TSPAN18: variants seen among roughly 807,000 people sequenced by gnomAD.
TSPAN18 encodes tetraspanin 18.
In TSPAN18, 14 loss-of-function variants were observed where a neutral mutation model predicts 27.3. The ratio of observed to expected loss-of-function variants is 0.51; its 90% CI spans 0.34 to 0.80. The LOEUF (loss-of-function observed/expected upper bound fraction) is 0.80. TSPAN18 is among the 30% of genes least tolerant of loss of function. The pLI is 0.01. For missense variants in TSPAN18, 268 were observed against 323.9 expected (o/e 0.83, Z 1.32); for synonymous variants, 143 against 136.5 (o/e 1.05, Z -0.33).
At chr11:44,759,107 C>T (rs1324347513) in intron 1 of TSPAN18, among the ~76,000 whole-genome samples, 1 of 152,220 alleles carries the variant, frequency 6.6e-6, no homozygotes, top group African/African-American at 2.4e-5. Context: ...GGCAGTTTGC[C>T]TATCCCATGC....
chr11:44,812,643 CCTATTGCCCATCCA>C (rs1360452295), intron 2 of TSPAN18, among the ~76,000 whole-genome samples: 1 of 152,166 alleles, frequency 6.6e-6, no homozygotes, highest in African/African-American at 2.4e-5. Flanking sequence ...GGCTAACATT[CCTATTGCCCATCCA>C]CTGACCCCAC....
At chr11:44,855,345 C>T (rs943416238) in intron 2 of TSPAN18, among the ~76,000 whole-genome samples, 1 of 152,178 alleles carries the variant, frequency 6.6e-6, no homozygotes, top group Non-Finnish European at 1.5e-5. Context: ...CTAGCACAGC[C>T]AACTCTAGCC....
intron 2 of TSPAN18, among the ~76,000 whole-genome samples, chr11:44,801,314 C>T (rs889726257): frequency 2.6e-5 from 4 of 152,198 alleles, no homozygotes; most frequent in African/African-American, 9.7e-5. Flanking sequence ...TTGCCATTCT[C>T]TACAGCCCCT....
chr11:44,858,337 T>C (rs1419963602), intron 2 of TSPAN18, among the ~76,000 whole-genome samples: 2 of 152,162 alleles, frequency 1.3e-5, no homozygotes, highest in Admixed American at 6.5e-5. Flanking sequence ...AGCCTTCACA[T>C]GCTCACGGGT....
At chr11:44,898,150 T>C (rs538242547) in intron 3 of TSPAN18, among the ~76,000 whole-genome samples, 1 of 152,318 alleles carries the variant, frequency 6.6e-6, no homozygotes, top group Non-Finnish European at 1.5e-5. Flanking sequence ...GAAACATGCA[T>C]TCTAATAAAG....
At chr11:44,927,504 C>T (rs1489589565) in intron 9 of TSPAN18, among the ~76,000 whole-genome samples, 1 of 152,200 alleles carries the variant, frequency 6.6e-6, no homozygotes, top group Non-Finnish European at 1.5e-5. Flanking sequence ...GCACCTGGCA[C>T]CATGAACTTC....
chr11:44,730,717 G>A (rs1402355529), intron 1 of TSPAN18, among the ~76,000 whole-genome samples: 1 of 151,340 alleles, frequency 6.6e-6, no homozygotes, highest in African/African-American at 2.4e-5. Flanking sequence ...TCTGCCTCCC[G>A]AGTTCAAGCG....
intron 3 of TSPAN18, among the ~76,000 whole-genome samples, chr11:44,899,384 A>T (rs1590653610): frequency 6.6e-6 from 1 of 152,236 alleles, no homozygotes; most frequent in Non-Finnish European, 1.5e-5. Flanking sequence ...TGAGAGGTTG[A>T]TGTCTGAGAT....
In TSPAN18 at chr11:44,893,797, C is replaced by G. The variant is rs11038187; in HGVS notation, c.-10-12610C>G. On this transcript the variant is annotated intron_variant, in intron 3 of 9. Transcript: ENST00000520358. ...TTAAGTGAACGCCCATAATACATTGCCTTGCGTTAATATCAGGCCTTAGTA... is the reference window on the plus strand; with the variant it reads ...TTAAGTGAACGCCCATAATACATTGGCTTGCGTTAATATCAGGCCTTAGTA... Among the ~76,000 whole-genome samples the G allele has an allele frequency of 5.0e-3, 763 of 152,206 alleles. 6 individuals carry two copies. The highest frequency in any genetic ancestry group is 0.018 in the African/African-American group (734 of 41,546).
chr11:44,808,434 C>T (rs893868198), intron 2 of TSPAN18, among the ~76,000 whole-genome samples: 3 of 152,148 alleles, frequency 2.0e-5, no homozygotes, highest in African/African-American at 7.2e-5. Context: ...CCTATTTATG[C>T]GTATGGATTC....
intron 2 of TSPAN18, among the ~76,000 whole-genome samples, chr11:44,837,752 C>T (rs1857291951): frequency 6.6e-6 from 1 of 152,232 alleles, no homozygotes; most frequent in Non-Finnish European, 1.5e-5. Flanking sequence ...CAAGACCATC[C>T]ACCAGCAAAA....
intron 4 of TSPAN18, among the ~76,000 whole-genome samples, chr11:44,908,769 G>GAAAGAAAGAAA (rs1554938043): frequency 1.4e-5 from 1 of 71,620 alleles, no homozygotes; most frequent in African/African-American, 6.7e-5. Flanking sequence ...AGAGAGAAAG[G>GAAAGAAAGAAA]AGAAAGAAAG....
intron 2 of TSPAN18, among the ~76,000 whole-genome samples, chr11:44,856,595 T>A (rs1452360572): frequency 6.6e-6 from 1 of 152,188 alleles, no homozygotes; most frequent in East Asian, 1.9e-4. Flanking sequence ...CTGTTGCCCA[T>A]AATAATGAAC....
At chr11:44,902,343 C>T (rs1246949018) in intron 3 of TSPAN18, among the ~76,000 whole-genome samples, 1 of 152,214 alleles carries the variant, frequency 6.6e-6, no homozygotes, top group Non-Finnish European at 1.5e-5. Context: ...TGTCTGACTT[C>T]AGAGCCCATG....
chr11:44,874,638 A>G (rs1365401614), intron 3 of TSPAN18, among the ~76,000 whole-genome samples: 1 of 152,174 alleles, frequency 6.6e-6, no homozygotes, highest in Non-Finnish European at 1.5e-5. Flanking sequence ...AAAGAGGAAA[A>G]TGGTGAGATG....
chr11:44,892,667 G>A (rs11603010), intron 3 of TSPAN18, among the ~76,000 whole-genome samples: 4 of 152,254 alleles, frequency 2.6e-5, no homozygotes, highest in African/African-American at 9.6e-5. Context: ...CTTAAGTCCA[G>A]CCCCGGTCTA....
intron 2 of TSPAN18, among the ~76,000 whole-genome samples, chr11:44,809,826 G>A (rs1856675723): frequency 6.6e-6 from 1 of 152,212 alleles, no homozygotes; most frequent in South Asian, 2.1e-4. Flanking sequence ...AGTGAAATGT[G>A]TTCAGCACAG....
intron 1 of TSPAN18, among the ~76,000 whole-genome samples, chr11:44,743,173 G>GC (rs1172409873): frequency 3.3e-5 from 5 of 152,198 alleles, no homozygotes; most frequent in African/African-American, 1.2e-4. Context: ...AGCCGGTGAT[G>GC]CATCTGGGCA....
At chr11:44,850,921 A>G (rs1317370520) in intron 2 of TSPAN18, among the ~76,000 whole-genome samples, 2 of 152,038 alleles carry the variant, frequency 1.3e-5, no homozygotes, top group East Asian at 1.9e-4. Context: ...CTTCCACTCC[A>G]GGGTTAAAGA....
Sources: allele counts gnomAD v4.1 joint callset (sites outside exome capture counted in the v4.1 genomes callset), GRCh38; gene constraint gnomAD v4.1.1; transcripts MANE v1.5; gene names NCBI Gene and HGNC (gene_info 2026-07-23, HGNC 2026-07-21).